Variants in CCDC18 observed in about 807,000 individuals in gnomAD.
The protein encoded by CCDC18 is coiled-coil domain containing 18, also known as coiled-coil domain-containing protein 18.
Under a neutral mutation model 196.0 loss-of-function variants are expected in CCDC18, and 157 were observed. The observed-to-expected ratio is 0.80, with a 90% confidence interval of 0.70 to 0.91. The LOEUF (loss-of-function observed/expected upper bound fraction) is 0.91, where lower values mean the gene tolerates loss of function less well. Among genes scored for constraint, CCDC18 ranks in the 40% least tolerant of loss-of-function variants. CCDC18 has a pLI of 0.00. For synonymous variants in CCDC18, 482 were observed against 529.2 expected, an observed-to-expected ratio of 0.91 and a Z score of 1.22; for missense variants, 1,465 against 1,611.6, an observed-to-expected ratio of 0.91 and a Z score of 1.56.
chr1:93,183,915 T>C (rs1488284916), intron 2 of CCDC18, 63 bp from the exon 3 acceptor site: 4 of 1,036,402 alleles, frequency 3.9e-6, no homozygotes, highest in Non-Finnish European at 5.3e-6. Flanking sequence ...TTATTTAATG[T>C]ATAGCAATTT....
At chr1:93,183,777 C>T (rs896323979) in intron 2 of CCDC18, among the ~76,000 whole-genome samples, 6 of 149,740 alleles carry the variant, frequency 4.0e-5, no homozygotes, top group South Asian at 2.1e-4. Context: ...GTAATCTTAG[C>T]GTAGAGGCTT....
chr1:93,235,594 G>C (rs924705449), intron 18 of CCDC18, among the ~76,000 whole-genome samples: 1 of 152,116 alleles, frequency 6.6e-6, no homozygotes, highest in Admixed American at 6.5e-5. Context: ...AAGGGTAGTA[G>C]GTAGAGGGAG....
At chr1:93,231,323 ACC>A (rs1391199061) in intron 17 of CCDC18, among the ~76,000 whole-genome samples, 22 of 152,182 alleles carry the variant, frequency 1.4e-4, no homozygotes, top group Non-Finnish European at 2.6e-4. Context: ...AAGAACATTT[ACC>A]TACAGCCCAT....
Position 93,270,462 on chromosome 1 carries a change from A to C in CCDC18, c.4001A>C (p.Asp1334Ala), listed in dbSNP as rs760564970. ...SPTEIMPDVQDPKFAKCFHTS... is the reference protein window; with the variant it reads ...SPTEIMPDVQAPKFAKCFHTS... Reference sequence around the variant, plus strand: ...ACAGAAATTATGCCTGATGTTCAAGATCCAAAATTTGCTAAATGTTTTCAC... The same window carrying C: ...ACAGAAATTATGCCTGATGTTCAAGCTCCAAAATTTGCTAAATGTTTTCAC... The change falls in exon 28 of 29, where the codon GAT becomes GCT. Residue 1334 changes from aspartate to alanine, a missense_variant. Physicochemically the swap from Asp to Ala is moderately radical, Grantham distance 126. Transcript: ENST00000690025. The C allele has an allele frequency of 2.6e-6, 4 of 1,550,416 alleles. No individual in the cohort carries two copies. The South Asian group carries it at 4.8e-5, about 18-fold the overall frequency.
rs1180668330 is a variant in CCDC18 at position 93,210,890 on chromosome 1, G to A, written c.1298G>A (p.Cys433Tyr). 6.2e-7 allele frequency: 1 copy of A among 1,613,888 alleles called. No individual in the cohort carries two copies. Among genetic ancestry groups the A allele is most frequent in the Non-Finnish European group, 8.5e-7 (1 of 1,179,844 alleles). Residue 433 changes from cysteine (C) to tyrosine (Y), a missense_variant, in exon 10 of 29, where the codon TGC (cysteine) becomes TAC (tyrosine). By Grantham distance (194) the Cys-to-Tyr change is radical. Coordinates refer to ENST00000690025, the MANE Select transcript of CCDC18 (RefSeq NM_001378204.1). ...AACAAGGAAGACCGTTGCATTGGCT[G>A]CTGTGAGGCAAATAAATTGGTGATT... Reference protein sequence around the residue: ...FSNKEDRCIGCCEANKLVISE... With the variant: ...FSNKEDRCIGYCEANKLVISE...
intron 21 of CCDC18, among the ~76,000 whole-genome samples, chr1:93,243,250 C>T (rs1300372125): frequency 2.6e-5 from 4 of 152,234 alleles, no homozygotes; most frequent in Non-Finnish European, 5.9e-5. Flanking sequence ...AACCTCAATT[C>T]TTGACTTCTG....
intron 16 of CCDC18, among the ~76,000 whole-genome samples, chr1:93,224,138 T>G (rs1283830427): frequency 6.6e-6 from 1 of 152,172 alleles, no homozygotes; most frequent in Non-Finnish European, 1.5e-5. Flanking sequence ...AATAGTCTAC[T>G]CCTCACCTAG....
At chr1:93,207,571 C>T (rs1047501394) in intron 9 of CCDC18, among the ~76,000 whole-genome samples, 173 bp downstream of exon 9, 13 of 152,124 alleles carry the variant, frequency 8.5e-5, no homozygotes, top group African/African-American at 3.1e-4. Flanking sequence ...TACCATTCTA[C>T]ACTTTTCCCC....
intron 9 of CCDC18, among the ~76,000 whole-genome samples, chr1:93,208,150 CAT>C (rs1655005532): frequency 6.6e-6 from 1 of 152,060 alleles, no homozygotes; most frequent in African/African-American, 2.4e-5. Flanking sequence ...ATTCTTGGGT[CAT>C]ATGGTGAATT....
At chr1:93,199,904 C>T (rs1046667089) in intron 6 of CCDC18, 1 of 152,648 alleles carries the variant, frequency 6.6e-6, no homozygotes, top group African/African-American at 2.4e-5. Flanking sequence ...CCAGTATGAG[C>T]ATCTAGGTGC....
intron 7 of CCDC18, among the ~76,000 whole-genome samples, chr1:93,204,280 G>T (rs1654347501): frequency 6.6e-6 from 1 of 152,040 alleles, no homozygotes; most frequent in African/African-American, 2.4e-5. Flanking sequence ...TGGGAAAAAA[G>T]TGGATAAAAA....
At chr1:93,240,395 C>T (rs1381750077) in intron 21 of CCDC18, among the ~76,000 whole-genome samples, 1 of 152,142 alleles carries the variant, frequency 6.6e-6, no homozygotes, top group Non-Finnish European at 1.5e-5. Flanking sequence ...CTGTCCAACT[C>T]TAAAGTCTGG....
chr1:93,270,695 G>C lies in CCDC18; in HGVS notation c.4234G>C (p.Glu1412Gln). The stretch of plus-strand genomic sequence containing the variant: ...ATTTAAACCTCTCACATATAACCTA[G>C]AAGCTGATAGTTCTGAGAATAATGA... ...DSFKPLTYNL[E>Q]ADSSENNDFN... Residue 1412 changes from glutamate to glutamine, a missense_variant, in exon 28 of 29, where the codon GAA (glutamate) becomes CAA (glutamine). Glu to Gln is a conservative substitution (Grantham distance 29). Coordinates refer to ENST00000690025, the MANE Select transcript of CCDC18 (RefSeq NM_001378204.1). The C allele has an allele frequency of 6.5e-7, 1 of 1,550,330 alleles. No homozygotes were observed. Among genetic ancestry groups the C allele is most frequent in the South Asian group, 1.2e-5 (1 of 84,048 alleles).
chr1:93,218,530 G>C (rs1057301847), intron 14 of CCDC18, among the ~76,000 whole-genome samples: 2 of 150,996 alleles, frequency 1.3e-5, no homozygotes, highest in African/African-American at 4.9e-5. Context: ...TTTTTTTTGA[G>C]ATAGAGTCTC....
chr1:93,184,118 C>T lies in CCDC18; in HGVS notation c.275C>T (p.Thr92Ile). The T allele has an allele frequency of 1.3e-6, 2 of 1,525,482 alleles. No individual in the cohort carries two copies. Among genetic ancestry groups the T allele is most frequent in the Non-Finnish European group, 1.8e-6 (2 of 1,129,938 alleles). The allele number at this position is 1,525,482 out of a possible 1,614,324, so 94.5% of individuals were successfully genotyped here. A position where few individuals can be genotyped will look rare whatever the true frequency, so the allele number is the denominator to read the frequency against. Residue 92 changes from threonine to isoleucine, a missense_variant, in exon 3 of 29, where the codon ACT (threonine) becomes ATT (isoleucine). Coordinates refer to ENST00000690025, the MANE Select transcript of CCDC18 (RefSeq NM_001378204.1). ...GTCTGTAAAATATCTGGTAGCAGCA[C>T]TGATTTTCAAAAAAAGCCAAGAGAT... is the stretch of plus-strand genomic sequence containing the variant. The part of the protein sequence containing the change: ...ENVCKISGSS[T>I]DFQKKPRDKM...
chr1:93,264,715 A>G lies in CCDC18; in HGVS notation c.3699A>G (p.Gln1233=), dbSNP rs751288661. 2.5e-6 allele frequency: 4 copies of G among 1,609,766 alleles called. No individual in the cohort carries two copies. The highest frequency in any genetic ancestry group is 2.2e-5 in the South Asian group (2 of 90,780). Reference sequence around the variant, plus strand: ...GGGCTATATAGATGATTTCACATCAAGAGAACCATGCAAAGTGGAAGATTT... The same window carrying G: ...GGGCTATATAGATGATTTCACATCAGGAGAACCATGCAAAGTGGAAGATTT... The part of the protein sequence containing the change: ...EAYHMEMISH[Q]ENHAKWKISA... Residue 1233 remains glutamine (Q), a synonymous_variant, in exon 27 of 29, where the codon CAA becomes CAG. Coordinates refer to ENST00000690025, the MANE Select transcript of CCDC18 (RefSeq NM_001378204.1).
intron 17 of CCDC18, among the ~76,000 whole-genome samples, chr1:93,227,792 C>CA (rs1658613657): frequency 2.0e-5 from 3 of 150,484 alleles, no homozygotes; most frequent in African/African-American, 7.3e-5. Flanking sequence ...CCCATCTCTA[C>CA]AAAAAAATTA....
At chr1:93,211,051 C>A in intron 10 of CCDC18, 125 bp downstream of exon 10, 2 of 917,922 alleles carry the variant, frequency 2.2e-6, no homozygotes, top group Non-Finnish European at 3.3e-6. Context: ...CTGAGGCAGG[C>A]GGATCACGAG....
intron 14 of CCDC18, 98 bp from the exon 15 acceptor site, chr1:93,221,511 A>C: frequency 1.2e-6 from 1 of 840,982 alleles, no homozygotes; most frequent in East Asian, 3.3e-5. Context: ...AAATACAAAA[A>C]TCTATGTAAT....
Sources: allele counts gnomAD v4.1 joint callset (sites outside exome capture counted in the v4.1 genomes callset), GRCh38; gene constraint gnomAD v4.1.1; transcripts MANE v1.5; gene names NCBI Gene and HGNC (gene_info 2026-07-23, HGNC 2026-07-21).